ZNF862: variants seen among roughly 807,000 people sequenced by gnomAD.
The protein encoded by ZNF862 is zinc finger protein 862.
Under a neutral mutation model 91.1 loss-of-function variants are expected in ZNF862, and 64 were observed. The ratio of observed to expected loss-of-function variants is 0.70; its 90% CI spans 0.57 to 0.87. ZNF862 has a LOEUF of 0.87. Ranked by LOEUF, ZNF862 falls within the 40% of genes least tolerant of loss-of-function variation. The probability of loss-of-function intolerance (pLI) is 0.00; values close to 1 mark genes in which losing one functional copy is unlikely to be tolerated. For synonymous variants in ZNF862, 631 were observed against 618.1 expected (o/e 1.02, Z -0.31); for missense variants, 1,459 against 1,528.0 (o/e 0.95, Z 0.75).
chr7:149,859,475 C>G lies in ZNF862; in HGVS notation c.1171C>G (p.Pro391Ala), dbSNP rs1247829077. The G allele has an allele frequency of 6.9e-6, 11 of 1,588,916 alleles. No individual in the cohort carries two copies. The highest frequency in any genetic ancestry group is 9.4e-6 in the Non-Finnish European group (11 of 1,167,014). Residue 391 changes from proline (P) to alanine (A), a missense_variant, in exon 6 of 8, where the codon CCC (proline) becomes GCC (alanine). By Grantham distance (27) the Pro-to-Ala change is conservative (BLOSUM62 -1). Transcript: ENST00000223210. ...LISKLERRAA[P>A]WIKDPNGPKW... is the part of the protein sequence containing the mutation. ...CTCCAAACTGGAGCGGAGGGCTGCACCCTGGATCAAGGACCCAAATGGGCC... is the reference window on the plus strand; with the variant it reads ...CTCCAAACTGGAGCGGAGGGCTGCAGCCTGGATCAAGGACCCAAATGGGCC...
intron 1 of ZNF862, among the ~76,000 whole-genome samples, chr7:149,839,433 TA>T (rs1416556089): frequency 1.3e-5 from 2 of 152,172 alleles, no homozygotes; most frequent in Admixed American, 1.3e-4. Context: ...TTGAGTCCCT[TA>T]AAAAACTGTC....
rs370612607 is a variant in ZNF862, at chr7:149,848,191, C to T, written c.698C>T (p.Pro233Leu). 125 of 1,614,000 alleles carry T rather than the reference C, an allele frequency of 7.7e-5. No homozygotes were observed. The African/African-American group carries it at 1.2e-3, about 15-fold the overall frequency. ...PPGDVLASPEPLFTADCPIFY... is the reference protein window; with the variant it reads ...PPGDVLASPELLFTADCPIFY... ...GGAGATGTTCTGGCCAGCCCGGAGC[C>T]GCTCTTCACTGCAGATTGCCCCATA... is the stretch of plus-strand genomic sequence containing the variant. Residue 233 changes from proline to leucine, a missense_variant, in exon 4 of 8, where the codon CCG becomes CTG. Physicochemically the swap from Pro to Leu is moderately conservative, Grantham distance 98. Transcript: ENST00000223210.
intron 1 of ZNF862, among the ~76,000 whole-genome samples, chr7:149,838,889 G>C (rs983616299): frequency 1.3e-5 from 2 of 152,242 alleles, no homozygotes; most frequent in African/African-American, 4.8e-5. Flanking sequence ...ATGCTGGGTT[G>C]GGTGACCCCC....
Position 149,864,090 on chromosome 7 carries a change from TCTC to T in ZNF862, c.3335-16_3335-14del, listed in dbSNP as rs1424432165. 6.4e-7 allele frequency: 1 copy of T among 1,556,952 alleles called. No individual in the cohort carries two copies. Among genetic ancestry groups the T allele is most frequent in the Non-Finnish European group, 8.7e-7 (1 of 1,150,990 alleles). Reference sequence around the variant, plus strand: ...TCACTGTCAGTCAGTCTAATTGTATTCTCCTTCCTCCCTCACAGGCGCCAGGCT... The same window carrying T: ...TCACTGTCAGTCAGTCTAATTGTATTCTTCCTCCCTCACAGGCGCCAGGCT... On this transcript the variant is annotated splice_polypyrimidine_tract_variant and intron_variant, in intron 7 of 7. Coordinates refer to ENST00000223210, the MANE Select transcript of ZNF862 (RefSeq NM_001099220.3).
intron 5 of ZNF862, chr7:149,856,352 C>T (rs1563122546): frequency 6.6e-6 from 1 of 152,248 alleles, no homozygotes; most frequent in Non-Finnish European, 1.5e-5. Context: ...CCTCCATCCT[C>T]TCAGAACAGG....
rs1802429667 is a variant in ZNF862, at chr7:149,860,530, A to G, written c.1370A>G (p.Lys457Arg). The G allele has an allele frequency of 1.9e-6, 3 of 1,613,996 alleles. No homozygotes were observed. The highest frequency in any genetic ancestry group is 2.5e-6 in the Non-Finnish European group (3 of 1,179,884). Residue 457 changes from lysine (K) to arginine (R), a missense_variant, in exon 7 of 8, where the codon AAG becomes AGG. Coordinates refer to ENST00000223210, the MANE Select transcript of ZNF862 (RefSeq NM_001099220.3). ...GAAGGAGATGGACCTAGGAGAATCAAGAGGACATACAGGCCCCGTTCCATT... is the reference window on the plus strand; with the variant it reads ...GAAGGAGATGGACCTAGGAGAATCAGGAGGACATACAGGCCCCGTTCCATT... The part of the protein sequence containing the change: ...CEEGDGPRRI[K>R]RTYRPRSIQR...
chr7:149,848,830 G>A (rs1226331933), intron 4 of ZNF862, among the ~76,000 whole-genome samples: 1 of 152,140 alleles, frequency 6.6e-6, no homozygotes, highest in Non-Finnish European at 1.5e-5. Context: ...AAGAGACAGG[G>A]TATGGCCCTG....
In ZNF862 at chr7:149,861,392, G is replaced by A. The variant is rs1802490698; in HGVS notation, c.2232G>A (p.Lys744=). The part of the protein sequence containing the change: ...VDACGSIDLV[K]KCDRHIRTVF... ...CCTGCGGGAGCATCGATCTGGTGAAGAAGTGTGACCGGCACATCCGCACCG... is the reference window on the plus strand; with the variant it reads ...CCTGCGGGAGCATCGATCTGGTGAAAAAGTGTGACCGGCACATCCGCACCG... The change falls in exon 7 of 8, where the codon AAG becomes AAA. Residue 744 remains lysine (K), a synonymous_variant. Coordinates refer to ENST00000223210, the MANE Select transcript of ZNF862 (RefSeq NM_001099220.3). This position sits in a 1 kb window ranked among gnomAD's most constrained non-coding sequence, Gnocchi z 6.7. 1 of 1,613,050 alleles carries A rather than the reference G, an allele frequency of 6.2e-7. No homozygotes were observed.
Position 149,850,029 on chromosome 7 carries a change from T to G in ZNF862, c.940-132T>G. ...ATTCTTTGACTTTCAGTGGATAAATTAATTCCTCTGAGTGCATCTGGGCCT... is the reference window on the plus strand; with the variant it reads ...ATTCTTTGACTTTCAGTGGATAAATGAATTCCTCTGAGTGCATCTGGGCCT... On this transcript the variant is annotated intron_variant, in intron 4 of 7. Coordinates refer to ENST00000223210, the MANE Select transcript of ZNF862 (RefSeq NM_001099220.3). This position sits in a 1 kb window ranked among gnomAD's most constrained non-coding sequence, Gnocchi z 4.2. 1 of 897,226 alleles carries G rather than the reference T, an allele frequency of 1.1e-6. No homozygotes were observed. Among genetic ancestry groups the G allele is most frequent in the Non-Finnish European group, 1.7e-6 (1 of 587,692 alleles). The allele number at this position is 897,226 out of a possible 1,614,324, so 55.6% of individuals were successfully genotyped here.
intron 5 of ZNF862, among the ~76,000 whole-genome samples, chr7:149,853,355 T>A (rs1056897234): frequency 1.3e-5 from 2 of 152,210 alleles, no homozygotes; most frequent in African/African-American, 4.8e-5. Flanking sequence ...TGTTTGTGGG[T>A]GTGTGCACGC....
intron 4 of ZNF862, 141 bp downstream of exon 4, chr7:149,848,573 C>T (rs1273221687): frequency 1.5e-6 from 1 of 672,564 alleles, no homozygotes; most frequent in Non-Finnish European, 2.3e-6. Context: ...TACCAACATG[C>T]TTATCATGGA....
At chr7:149,848,798 A>G (rs1252104259) in intron 4 of ZNF862, among the ~76,000 whole-genome samples, 1 of 152,134 alleles carries the variant, frequency 6.6e-6, no homozygotes, top group Non-Finnish European at 1.5e-5. Context: ...TTAAGTAGTC[A>G]ATATTTAAAT....
intron 1 of ZNF862, among the ~76,000 whole-genome samples, chr7:149,840,055 C>T (rs1440269789): frequency 1.3e-5 from 2 of 152,024 alleles, no homozygotes; most frequent in Non-Finnish European, 2.9e-5. Context: ...ACCGCTCTCA[C>T]GTACAATCCC....
Position 149,847,734 on chromosome 7 carries a change from G to A in ZNF862, c.242-1G>A. The A allele has an allele frequency of 6.2e-7, 1 of 1,603,450 alleles. No individual in the cohort carries two copies. The highest frequency in any genetic ancestry group is 1.1e-5 in the South Asian group (1 of 89,564). The stretch of plus-strand genomic sequence containing the variant: ...CAATCCCTTCTGTCTCTTCTCTAAA[G>A]GAAAAAAACAGATGGGCTACATGGG... On this transcript the variant is annotated splice_acceptor_variant, in intron 3 of 7. Coordinates refer to ENST00000223210, the MANE Select transcript of ZNF862 (RefSeq NM_001099220.3). LOFTEE classifies it high-confidence loss of function.
intron 1 of ZNF862, chr7:149,840,995 G>A: frequency 1.0e-6 from 1 of 985,414 alleles, no homozygotes; most frequent in Non-Finnish European, 1.2e-6. Context: ...TCAGAGACTG[G>A]AAATTTCACC....
chr7:149,859,897 G>A (rs1802399569), intron 6 of ZNF862: 1 of 267,624 alleles, frequency 3.7e-6, no homozygotes, highest in Admixed American at 4.8e-5. Context: ...TGGTTTGTGA[G>A]AATTCGTTGT....
intron 2 of ZNF862, chr7:149,844,960 T>C (rs1000558298): frequency 2.0e-6 from 1 of 489,102 alleles, no homozygotes; most frequent in Admixed American, 3.6e-5. Context: ...TGGGGCAATC[T>C]GGCAGGCCTG....
intron 7 of ZNF862, among the ~76,000 whole-genome samples, chr7:149,863,356 C>T (rs988516067): frequency 2.6e-5 from 4 of 152,042 alleles, no homozygotes; most frequent in Non-Finnish European, 4.4e-5. Context: ...TCTCTCCTCG[C>T]GTCTCTAGCT....
Position 149,861,061 on chromosome 7 carries a change from C to T in ZNF862, c.1901C>T (p.Ala634Val), listed in dbSNP as rs775381921. The change falls in exon 7 of 8, where the codon GCC becomes GTC. Residue 634 changes from alanine (A) to valine (V), a missense_variant. Transcript: ENST00000223210. This position sits in a 1 kb window ranked among gnomAD's most constrained non-coding sequence, Gnocchi z 6.7. ...VSVLLDSSTD[A>V]SEQACVGIYI... ...GTGCTGCTGGACAGCTCCACCGACG[C>T]CTCCGAGCAGGCCTGCGTGGGGATT... The T allele has an allele frequency of 6.2e-6, 10 of 1,612,674 alleles. No individual in the cohort carries two copies. In the East Asian group the frequency reaches 1.6e-4, roughly 25 times the overall value.
Sources: allele counts gnomAD v4.1 joint callset (sites outside exome capture counted in the v4.1 genomes callset), GRCh38; gene constraint gnomAD v4.1.1; non-coding constraint Gnocchi (gnomAD v3.1); transcripts MANE v1.5; gene names NCBI Gene and HGNC (gene_info 2026-07-23, HGNC 2026-07-21).